CHST8: variants seen among roughly 807,000 people sequenced by gnomAD.
CHST8 encodes the protein GALNAC-4-ST1.
In CHST8, 10 loss-of-function variants were observed where a neutral mutation model predicts 15.0. The ratio of observed to expected loss-of-function variants is 0.67; its 90% CI spans 0.41 to 1.13. The LOEUF (loss-of-function observed/expected upper bound fraction) is 1.13, where lower values mean the gene tolerates loss of function less well. Ranked by LOEUF, CHST8 falls within the 50% of genes most tolerant of loss-of-function variation. CHST8 has a pLI of 0.00. For missense variants in CHST8, 634 were observed against 608.2 expected (o/e 1.04, Z -0.45); for synonymous variants, 259 against 256.6 (o/e 1.01, Z -0.09).
intron 1 of CHST8, among the ~76,000 whole-genome samples, chr19:33,648,173 A>G (rs1454524006): frequency 1.3e-5 from 2 of 152,028 alleles, no homozygotes; most frequent in African/African-American, 2.4e-5. Context: ...TATGGTCACT[A>G]GGGTCTGGAA....
chr19:33,668,700 T>C lies in CHST8; in HGVS notation c.-87+857T>C, dbSNP rs1201673512. On this transcript the variant is annotated intron_variant, in intron 2 of 4. Coordinates refer to ENST00000650847, the MANE Select transcript of CHST8 (RefSeq NM_001127895.2). ...GGCTTCAAAATATAAAGTTATATTT[T>C]TATAATCAAATGATAGAAATAAAGG... 2.0e-5 allele frequency among the ~76,000 whole-genome samples: 3 copies of C among 152,280 alleles called. No individual in the cohort carries two copies. In the East Asian group the frequency reaches 5.8e-4, roughly 29 times the overall value.
chr19:33,677,953 G>A (rs1972830950), intron 2 of CHST8, among the ~76,000 whole-genome samples: 1 of 152,156 alleles, frequency 6.6e-6, no homozygotes, highest in African/African-American at 2.4e-5. Context: ...AGTGACCACA[G>A]ATGTATTGCA....
At chr19:33,630,393 G>A (rs1285772563) in intron 1 of CHST8, among the ~76,000 whole-genome samples, 2 of 152,258 alleles carry the variant, frequency 1.3e-5, no homozygotes, top group African/African-American at 4.8e-5. Context: ...TAGCCGGTGC[G>A]TGGGGAAGGC....
intron 2 of CHST8, among the ~76,000 whole-genome samples, chr19:33,688,038 A>T (rs755519168): frequency 1.2e-4 from 18 of 152,132 alleles, no homozygotes; most frequent in South Asian, 2.1e-4. Flanking sequence ...GGGTGGAAAA[A>T]GGGTGATCCT....
At chr19:33,651,264 T>C (rs1202749365) in intron 1 of CHST8, among the ~76,000 whole-genome samples, 1 of 152,210 alleles carries the variant, frequency 6.6e-6, no homozygotes, top group Non-Finnish European at 1.5e-5. Flanking sequence ...AATTGGCAAG[T>C]ATTTTCCGGA....
chr19:33,680,879 G>T (rs1430126804), intron 2 of CHST8, among the ~76,000 whole-genome samples: 1 of 152,084 alleles, frequency 6.6e-6, no homozygotes, highest in Non-Finnish European at 1.5e-5. Context: ...TGTAAGTTTT[G>T]ATTTCTTTAA....
intron 2 of CHST8, among the ~76,000 whole-genome samples, chr19:33,676,817 C>G (rs1972815912): frequency 6.6e-6 from 1 of 151,488 alleles, no homozygotes; most frequent in South Asian, 2.1e-4. Flanking sequence ...TTTGAGGCTG[C>G]AGCGAGCCAT....
intron 3 of CHST8, among the ~76,000 whole-genome samples, chr19:33,696,670 G>A (rs10421965): frequency 0.34 from 50,925 of 151,406 alleles, 9,017 homozygotes; most frequent in Middle Eastern, 0.44. Context: ...TCCCCAGACC[G>A]TGGAAAAATT....
chr19:33,772,937 C>G lies in CHST8; in HGVS notation c.1149C>G (p.Thr383=). 1 of 1,613,472 alleles carries G rather than the reference C, an allele frequency of 6.2e-7. No individual in the cohort carries two copies. The highest frequency in any genetic ancestry group is 8.5e-7 in the Non-Finnish European group (1 of 1,180,032). ...FKDRHSQEAR[T]TARIAHQYFA... ...ACCGGCACTCGCAGGAGGCGCGGACCACAGCGAGGATCGCCCACCAGTACT... is the reference window on the plus strand; with the variant it reads ...ACCGGCACTCGCAGGAGGCGCGGACGACAGCGAGGATCGCCCACCAGTACT... Residue 383 remains threonine (T), a synonymous_variant, in exon 5 of 5, where the codon ACC becomes ACG. Coordinates refer to ENST00000650847, the MANE Select transcript of CHST8 (RefSeq NM_001127895.2).
intron 3 of CHST8, among the ~76,000 whole-genome samples, chr19:33,713,704 G>A (rs1300469245): frequency 6.6e-6 from 1 of 152,080 alleles, no homozygotes; most frequent in Non-Finnish European, 1.5e-5. Context: ...AGGATTACAG[G>A]TACCTGCCAC....
intron 3 of CHST8, among the ~76,000 whole-genome samples, chr19:33,732,306 C>T (rs1413502093): frequency 6.6e-6 from 1 of 152,120 alleles, no homozygotes; most frequent in African/African-American, 2.4e-5. Flanking sequence ...GTTTTGCCCC[C>T]AGCTGGGCTG....
chr19:33,763,426 G>A (rs561440675), intron 3 of CHST8, among the ~76,000 whole-genome samples: 51 of 152,268 alleles, frequency 3.3e-4, no homozygotes, highest in South Asian at 1.2e-3. Context: ...GCCTCCCCTC[G>A]AAGTCCACAC....
chr19:33,770,084 C>G (rs285694), intron 3 of CHST8, among the ~76,000 whole-genome samples: 87,488 of 152,018 alleles, frequency 0.58, 25,966 homozygotes, highest in African/African-American at 0.72. Flanking sequence ...CTCAGCCTTA[C>G]ATTGTCTGGG....
chr19:33,712,661 T>A (rs1007044875), intron 3 of CHST8, among the ~76,000 whole-genome samples: 1 of 151,950 alleles, frequency 6.6e-6, no homozygotes, highest in Non-Finnish European at 1.5e-5. Context: ...ATTTTAAGGG[T>A]CTTAACTTTA....
At chr19:33,659,616 G>T (rs1243532105) in intron 1 of CHST8, among the ~76,000 whole-genome samples, 1 of 152,004 alleles carries the variant, frequency 6.6e-6, no homozygotes, top group East Asian at 1.9e-4. Flanking sequence ...GCCTGCTTGA[G>T]CCCAGGAGTT....
chr19:33,647,272 G>A (rs891654041), intron 1 of CHST8, among the ~76,000 whole-genome samples: 1 of 152,230 alleles, frequency 6.6e-6, no homozygotes, highest in Non-Finnish European at 1.5e-5. Flanking sequence ...GAAGGGACCA[G>A]TGAGACAGGA....
intron 3 of CHST8, among the ~76,000 whole-genome samples, chr19:33,690,720 C>T (rs1218295342): frequency 6.6e-6 from 1 of 152,210 alleles, no homozygotes; most frequent in African/African-American, 2.4e-5. Flanking sequence ...GCAGCAGGTG[C>T]GCAGCAGAGC....
intron 1 of CHST8, among the ~76,000 whole-genome samples, chr19:33,634,414 T>A (rs890957867): frequency 6.6e-6 from 1 of 152,288 alleles, no homozygotes; most frequent in East Asian, 1.9e-4. Context: ...TAGAACTCAC[T>A]TCCATCCCCA....
chr19:33,662,134 G>A (rs1257296698), intron 1 of CHST8, among the ~76,000 whole-genome samples: 2 of 152,082 alleles, frequency 1.3e-5, no homozygotes, highest in African/African-American at 2.4e-5. Context: ...AGGCTGGAGT[G>A]CAGTGGCATG....
Sources: allele counts gnomAD v4.1 joint callset (sites outside exome capture counted in the v4.1 genomes callset), GRCh38; gene constraint gnomAD v4.1.1; transcripts MANE v1.5; gene names NCBI Gene and HGNC (gene_info 2026-07-23, HGNC 2026-07-21).